TMEM79: variants seen among roughly 807,000 people sequenced by gnomAD.
TMEM79 encodes the protein transmembrane protein 79, also known as mattrin.
In TMEM79, 30 loss-of-function variants were observed where a neutral mutation model predicts 31.2. The observed-to-expected ratio is 0.96, with a 90% CI of 0.72 to 1.30. TMEM79 has a LOEUF of 1.30. TMEM79 is among the 50% of genes most tolerant of loss of function. TMEM79 has a pLI of 0.00. For synonymous variants in TMEM79, 213 were observed against 229.5 expected, an observed-to-expected ratio of 0.93 and a Z score of 0.65; for missense variants, 509 against 528.2, an observed-to-expected ratio of 0.96 and a Z score of 0.36.
At chr1:156,287,991 G>A (rs1663215956) in intron 3 of TMEM79, among the ~76,000 whole-genome samples, 2 of 151,832 alleles carry the variant, frequency 1.3e-5, no homozygotes, top group Non-Finnish European at 2.9e-5. Flanking sequence ...GAGGCGGGCA[G>A]ATCATGAGGT....
upstream of TMEM79, chr1:156,282,995 T>C (rs573072946): frequency 2.0e-6 from 1 of 505,488 alleles, no homozygotes; most frequent in Non-Finnish European, 3.5e-6. Flanking sequence ...CGAAAAACTT[T>C]ATTGGCAAAG....
At position 156,285,196 on chromosome 1, in the gene TMEM79, T is replaced by G; in HGVS notation, c.-31T>G. On this transcript the variant is annotated 5_prime_UTR_variant, in exon 2 of 4. Coordinates refer to ENST00000405535, the MANE Select transcript of TMEM79 (RefSeq NM_032323.3). ...CTGTTCCCTGCAGGATGACATGACC[T>G]TGTGGTAGATCCCAGAACTGAGGCC... 1 of 1,517,290 alleles carries G rather than the reference T, an allele frequency of 6.6e-7. No individual in the cohort carries two copies. The highest frequency in any genetic ancestry group is 1.3e-5 in the South Asian group (1 of 74,484). The allele number at this position is 1,517,290 out of a possible 1,614,324, so 94.0% of individuals were successfully genotyped here. A position where few individuals can be genotyped will look rare whatever the true frequency, so the allele number is the denominator to read the frequency against.
chr1:156,283,012 G>C (rs959861998), upstream of TMEM79: 4 of 506,214 alleles, frequency 7.9e-6, no homozygotes, highest in African/African-American at 4.0e-5. Context: ...AAAGCTATCA[G>C]AGAACGGACA....
chr1:156,286,543 G>A lies in TMEM79; in HGVS notation c.971+70G>A, dbSNP rs982353587. ...AGAGAACCTAGGCATCTGAATGTCT[G>A]GAGAGCCAGGGTCAGGAGCTTTCCG... On this transcript the variant is annotated intron_variant, in intron 3 of 3. Coordinates refer to ENST00000405535, the MANE Select transcript of TMEM79 (RefSeq NM_032323.3). 13 of 1,504,118 alleles carry A rather than the reference G, an allele frequency of 8.6e-6. No homozygotes were observed. The Admixed American group carries it at 1.0e-4, about 12-fold the overall frequency. The allele number at this position is 1,504,118 out of a possible 1,614,324, so 93.2% of individuals were successfully genotyped here.
Position 156,291,518 on chromosome 1 carries a change from C to T in TMEM79, c.1105C>T (p.Leu369Phe). The T allele has an allele frequency of 6.2e-7, 1 of 1,610,568 alleles. No individual in the cohort carries two copies. The highest frequency in any genetic ancestry group is 8.5e-7 in the Non-Finnish European group (1 of 1,179,874). Residue 369 changes from leucine (L) to phenylalanine (F), a missense_variant, in exon 4 of 4, where the codon CTC (leucine) becomes TTC (phenylalanine). Transcript: ENST00000405535. Reference protein sequence around the residue: ...YMFVVEPERMLTATESRLDYP... With the variant: ...YMFVVEPERMFTATESRLDYP... ...GTTCGTGGTGGAGCCGGAGCGCATG[C>T]TCACTGCCACCGAGAGCCGCCTGGA...
chr1:156,283,099 C>T, upstream of TMEM79: 1 of 372,244 alleles, frequency 2.7e-6, no homozygotes, highest in Non-Finnish European at 4.8e-6. Flanking sequence ...ACTGCTTTGT[C>T]CTACAATGGT....
chr1:156,285,646 G>A lies in TMEM79; in HGVS notation c.420G>A (p.Gln140=), dbSNP rs757216955. The change falls in exon 2 of 4, where the codon CAG becomes CAA. Residue 140 remains glutamine (Q), a synonymous_variant. Transcript: ENST00000405535. ...VPIDLQCIER[Q]PQEDLIVRCE... ...TTGACCTACAGTGCATTGAGCGGCA[G>A]CCCCAAGAAGACCTTATCGTGCGCT... 5 of 1,614,014 alleles carry A rather than the reference G, an allele frequency of 3.1e-6. No homozygotes were observed. The South Asian group carries it at 4.4e-5, about 14-fold the overall frequency.
intron 1 of TMEM79, among the ~76,000 whole-genome samples, chr1:156,284,735 G>A (rs1357375609): frequency 6.6e-6 from 1 of 152,172 alleles, no homozygotes; most frequent in Non-Finnish European, 1.5e-5. Context: ...GTTCCAAGCA[G>A]GGATGTGTAG....
intron 1 of TMEM79, 69 bp from the exon 2 acceptor site, chr1:156,285,115 G>A: frequency 4.3e-6 from 6 of 1,385,068 alleles, no homozygotes; most frequent in Non-Finnish European, 5.8e-6. Context: ...GAGAGTATGA[G>A]TTCTGTCAAC....
At chr1:156,284,937 T>C (rs1663106545) in intron 1 of TMEM79, among the ~76,000 whole-genome samples, 1 of 152,158 alleles carries the variant, frequency 6.6e-6, no homozygotes, top group African/African-American at 2.4e-5. Context: ...CCAGGGCCTG[T>C]GTCCCTTGAC....
At chr1:156,288,863 G>A (rs1663240939) in intron 3 of TMEM79, among the ~76,000 whole-genome samples, 1 of 152,102 alleles carries the variant, frequency 6.6e-6, no homozygotes. Flanking sequence ...AAACTCCTGG[G>A]GAATACTGGT....
At position 156,285,175 on chromosome 1, in the gene TMEM79, T is replaced by A; in HGVS notation, c.-43-9T>A. The A allele has an allele frequency of 6.6e-7, 1 of 1,510,654 alleles. No individual in the cohort carries two copies. Among genetic ancestry groups the A allele is most frequent in the Non-Finnish European group, 8.8e-7 (1 of 1,131,046 alleles). 93.6% of individuals were successfully genotyped at this position (1,510,654 alleles called of 1,614,324 possible). ...GGTTTCTGACAGAGCTTTCCTCTGTTCCCTGCAGGATGACATGACCTTGTG... is the reference window on the plus strand; with the variant it reads ...GGTTTCTGACAGAGCTTTCCTCTGTACCCTGCAGGATGACATGACCTTGTG... On this transcript the variant is annotated splice_polypyrimidine_tract_variant and intron_variant, in intron 1 of 3. Transcript: ENST00000405535.
In TMEM79 at chr1:156,291,842, A is replaced by G. The variant is rs529332753; in HGVS notation, c.*244A>G. The G allele has an allele frequency of 1.7e-6, 1 of 597,468 alleles. No homozygotes were observed. The highest frequency in any genetic ancestry group is 2.8e-5 in the East Asian group (1 of 36,234). 37.0% of individuals were successfully genotyped at this position (597,468 alleles called of 1,614,324 possible). A position where few individuals can be genotyped will look rare whatever the true frequency, so the allele number is the denominator to read the frequency against. ...TTTTCTTGCAGGGAAAAAGGTGGAC[A>G]GCCGTGTTTCTTAAGGATGCTGAGG... On this transcript the variant is annotated 3_prime_UTR_variant, in exon 4 of 4. Transcript: ENST00000405535.
intron 3 of TMEM79, chr1:156,291,162 C>T: frequency 3.6e-6 from 2 of 558,060 alleles, no homozygotes; most frequent in South Asian, 4.9e-5. Flanking sequence ...GAATAACATA[C>T]TCAACTTCAT....
At chr1:156,286,889 C>T (rs551579174) in intron 3 of TMEM79, among the ~76,000 whole-genome samples, 144 of 152,024 alleles carry the variant, frequency 9.5e-4, no homozygotes, top group Non-Finnish European at 1.4e-3. Flanking sequence ...TTTGAGAGGC[C>T]GAGGTGGCAG....
At chr1:156,289,468 C>T (rs1398944987) in intron 3 of TMEM79, among the ~76,000 whole-genome samples, 6 of 152,104 alleles carry the variant, frequency 3.9e-5, no homozygotes, top group African/African-American at 9.7e-5. Flanking sequence ...AAAAATTAGC[C>T]GGGCATGGTG....
rs1347044110 is a variant in TMEM79 at position 156,286,435 on chromosome 1, A to T, written c.933A>T (p.Lys311Asn). 1.2e-6 allele frequency: 2 copies of T among 1,613,954 alleles called. No individual in the cohort carries two copies. The highest frequency in any genetic ancestry group is 2.7e-5 in the African/African-American group (2 of 74,880). Residue 311 changes from lysine (K) to asparagine (N), a missense_variant, in exon 3 of 4, where the codon AAA (lysine) becomes AAT (asparagine). By Grantham distance (94) the Lys-to-Asn change is moderately conservative. Transcript: ENST00000405535. ...CTTACCTGCCCCAGGATACCCTCAA[A>T]CTGCTCCCTCTGCTCACTGGTCTCT... ...LSTYLPQDTL[K>N]LLPLLTGLFA...
intron 2 of TMEM79, 50 bp downstream of exon 2, chr1:156,286,033 C>A: frequency 6.4e-7 from 1 of 1,560,500 alleles, no homozygotes; most frequent in Non-Finnish European, 8.7e-7. Flanking sequence ...TTGAGGAGGG[C>A]AGGGCCTGGC....
Position 156,291,740 on chromosome 1 carries a change from A to C in TMEM79, c.*142A>C, listed in dbSNP as rs576856841. On this transcript the variant is annotated 3_prime_UTR_variant, in exon 4 of 4. Transcript: ENST00000405535. Reference sequence around the variant, plus strand: ...CTGCTACTGCCCCAACAGGGACTCCAATCAATCGGAGTTCTCCCCTTGCCG... The same window carrying C: ...CTGCTACTGCCCCAACAGGGACTCCCATCAATCGGAGTTCTCCCCTTGCCG... The C allele has an allele frequency of 2.8e-6, 2 of 704,728 alleles. No individual in the cohort carries two copies. The highest frequency in any genetic ancestry group is 4.9e-6 in the Non-Finnish European group (2 of 412,370). The allele number at this position is 704,728 out of a possible 1,614,324, so 43.7% of individuals were successfully genotyped here. A position where few individuals can be genotyped will look rare whatever the true frequency, so the allele number is the denominator to read the frequency against.
Sources: gnomAD v4.1 joint callset for allele counts (sites outside exome capture counted in the v4.1 genomes callset) on GRCh38, gnomAD v4.1.1 for gene constraint, MANE v1.5 for transcripts, NCBI Gene and HGNC (gene_info 2026-07-23, HGNC 2026-07-21) for gene names.